Variants in CNTN4 observed in about 807,000 individuals in gnomAD.
CNTN4 encodes the protein contactin 4.
Under a neutral mutation model 122.5 loss-of-function variants are expected in CNTN4, and 77 were observed. That is an observed-to-expected ratio of 0.63 (90% CI 0.52 to 0.76). CNTN4 has a LOEUF of 0.76. Among genes scored for constraint, CNTN4 ranks in the 30% least tolerant of loss-of-function variants. CNTN4 has a pLI of 0.00. For missense variants in CNTN4, 1,256 were observed against 1,259.1 expected, an observed-to-expected ratio of 1.00 and a Z score of 0.04; for synonymous variants, 512 against 447.0, an observed-to-expected ratio of 1.15 and a Z score of -1.83.
At chr3:2,188,695 A>G (rs1157438963) in intron 2 of CNTN4, among the ~76,000 whole-genome samples, 1 of 152,172 alleles carries the variant, frequency 6.6e-6, no homozygotes, top group African/African-American at 2.4e-5. Flanking sequence ...AAAGGCAGTA[A>G]TTAGGGCAAA....
chr3:2,128,816 C>A (rs923914228), intron 2 of CNTN4, among the ~76,000 whole-genome samples: 1 of 152,130 alleles, frequency 6.6e-6, no homozygotes, highest in South Asian at 2.1e-4. Context: ...CCATAAAGAG[C>A]CAACTGAATG....
chr3:2,438,198 A>G (rs1313516077), intron 3 of CNTN4, among the ~76,000 whole-genome samples: 1 of 152,136 alleles, frequency 6.6e-6, no homozygotes, highest in East Asian at 1.9e-4. Context: ...AGCATTGTAG[A>G]ATTTTCAGGA....
chr3:2,491,701 G>T (rs576686100), intron 3 of CNTN4, among the ~76,000 whole-genome samples: 2 of 152,212 alleles, frequency 1.3e-5, no homozygotes, highest in Non-Finnish European at 2.9e-5. Context: ...TTTAATTATA[G>T]TTTTCATATT....
At chr3:2,415,769 A>T (rs1260275005) in intron 3 of CNTN4, among the ~76,000 whole-genome samples, 1 of 152,070 alleles carries the variant, frequency 6.6e-6, no homozygotes, top group Non-Finnish European at 1.5e-5. Flanking sequence ...TGCACTATTG[A>T]GGTTGATGTT....
intron 3 of CNTN4, among the ~76,000 whole-genome samples, chr3:2,380,186 G>T (rs1392328309): frequency 2.0e-5 from 3 of 152,004 alleles, no homozygotes; most frequent in African/African-American, 7.2e-5. Context: ...TATCCATTGT[G>T]TTTTCACAGA....
chr3:2,976,578 T>C (rs1693434713), intron 13 of CNTN4, among the ~76,000 whole-genome samples: 1 of 152,174 alleles, frequency 6.6e-6, no homozygotes, highest in Non-Finnish European at 1.5e-5. Context: ...AGGAGGTGTC[T>C]TCCTATTGAC....
At position 3,039,117 on chromosome 3, in the gene CNTN4, C is replaced by A. The variant is rs1026073867; in HGVS notation, c.2163+114C>A. The A allele has an allele frequency of 5.4e-6, 5 of 934,410 alleles. No homozygotes were observed. In the African/African-American group the frequency reaches 8.1e-5, roughly 15 times the overall value. 57.9% of individuals were successfully genotyped at this position (934,410 alleles called of 1,614,324 possible). A position where few individuals can be genotyped will look rare whatever the true frequency, so the allele number is the denominator to read the frequency against. On this transcript the variant is annotated intron_variant, in intron 19 of 24. Transcript: ENST00000418658. ...TCCTCTGTTTTTAACAGTGAAAATT[C>A]ATTTGGGTTCAGACACTCCCTCTCA... is the stretch of plus-strand genomic sequence containing the variant.
intron 13 of CNTN4, among the ~76,000 whole-genome samples, chr3:2,931,185 C>T (rs1282518745): frequency 1.2e-4 from 19 of 152,196 alleles, no homozygotes; most frequent in South Asian, 4.2e-4. Flanking sequence ...AATCACAACA[C>T]GTGGATCACA....
At chr3:2,646,086 C>G (rs2083104854) in intron 4 of CNTN4, among the ~76,000 whole-genome samples, 1 of 152,142 alleles carries the variant, frequency 6.6e-6, no homozygotes, top group Non-Finnish European at 1.5e-5. Context: ...TTTTGTCTAT[C>G]TAAGAGTCAG....
rs2079417665 is a variant in CNTN4 at position 2,571,485 on chromosome 3, T to C, written c.-19T>C. 1 of 1,606,780 alleles carries C rather than the reference T, an allele frequency of 6.2e-7. No individual in the cohort carries two copies. The highest frequency in any genetic ancestry group is 2.2e-5 in the East Asian group (1 of 44,806). ...CTTGTTATTGGACTTGAAACTCCCT[T>C]TGACCTCGGAAACTGAAGATGAGGT... On this transcript the variant is annotated 5_prime_UTR_variant, in exon 4 of 25. Coordinates refer to ENST00000418658, the MANE Select transcript of CNTN4 (RefSeq NM_175607.3).
intron 3 of CNTN4, among the ~76,000 whole-genome samples, chr3:2,495,772 G>C (rs771941682): frequency 1.3e-5 from 2 of 152,152 alleles, no homozygotes; most frequent in African/African-American, 2.4e-5. Flanking sequence ...TGCCTGGTCC[G>C]TGGAAAAATT....
chr3:2,367,673 A>T lies in CNTN4; in HGVS notation c.-89+28440A>T, dbSNP rs1406993932. On this transcript the variant is annotated intron_variant, in intron 3 of 24. Coordinates refer to ENST00000418658, the MANE Select transcript of CNTN4 (RefSeq NM_175607.3). ...TAATTTTTGTAATTTTAGTAGAGAC[A>T]GGGGTTTCACCATGTTGACCAGGCT... 2.6e-5 allele frequency among the ~76,000 whole-genome samples: 4 copies of T among 152,232 alleles called. No homozygotes were observed. In the East Asian group the frequency reaches 5.8e-4, roughly 22 times the overall value.
chr3:3,003,893 G>T (rs777707585), intron 14 of CNTN4, among the ~76,000 whole-genome samples: 1 of 151,894 alleles, frequency 6.6e-6, no homozygotes, highest in Admixed American at 6.6e-5. Context: ...GGGATTACAG[G>T]CGCACGCCAG....
chr3:2,953,683 C>G (rs984504057), intron 13 of CNTN4, among the ~76,000 whole-genome samples: 1 of 152,234 alleles, frequency 6.6e-6, no homozygotes, highest in Admixed American at 6.5e-5. Flanking sequence ...CAACACCTAC[C>G]TAGGTCTTTG....
intron 3 of CNTN4, among the ~76,000 whole-genome samples, chr3:2,414,795 AT>A (rs1375622063): frequency 6.6e-6 from 1 of 152,194 alleles, no homozygotes. Flanking sequence ...CCACCATTAC[AT>A]TAATACAAAG....
At chr3:2,749,404 C>A (rs1413026863) in intron 6 of CNTN4, among the ~76,000 whole-genome samples, 1 of 148,948 alleles carries the variant, frequency 6.7e-6, no homozygotes, top group African/African-American at 2.5e-5. Context: ...AACTCCTGAT[C>A]TCAAGTGATC....
chr3:2,483,977 A>G (rs1324047607), intron 3 of CNTN4, among the ~76,000 whole-genome samples: 1 of 152,224 alleles, frequency 6.6e-6, no homozygotes, highest in Non-Finnish European at 1.5e-5. Context: ...AAAATTAAAA[A>G]TATTTTATCT....
At chr3:2,481,099 TTCTTTCTC>T (rs965356204) in intron 3 of CNTN4, among the ~76,000 whole-genome samples, 5 of 90,644 alleles carry the variant, frequency 5.5e-5, no homozygotes, top group Non-Finnish European at 9.7e-5. Context: ...CTTTCTTTCT[TTCTTTCTC>T]TCTTTCTCTC....
intron 6 of CNTN4, among the ~76,000 whole-genome samples, chr3:2,814,310 C>T (rs1401175450): frequency 6.6e-6 from 1 of 152,222 alleles, no homozygotes; most frequent in East Asian, 1.9e-4. Flanking sequence ...CCTTGTTTTA[C>T]ATACACATTA....
Sources: gnomAD v4.1 joint callset for allele counts (sites outside exome capture counted in the v4.1 genomes callset) on GRCh38, gnomAD v4.1.1 for gene constraint, MANE v1.5 for transcripts, NCBI Gene and HGNC (gene_info 2026-07-23, HGNC 2026-07-21) for gene names.